The following HSPA12A variants were observed in gnomAD, a reference collection of about 807,000 sequenced individuals.
HSPA12A encodes heat shock 70 kDa protein 12A.
A neutral mutation model predicts 69.2 loss-of-function variants in HSPA12A; 28 were observed. The ratio of observed to expected loss-of-function variants is 0.40; its 90% CI spans 0.30 to 0.55. The LOEUF is 0.55. Among genes scored for constraint, HSPA12A ranks in the 20% least tolerant of loss-of-function variants. HSPA12A has a pLI of 0.38. For synonymous variants in HSPA12A, 345 were observed against 370.5 expected (o/e 0.93, Z 0.79); for missense variants, 686 against 900.7 (o/e 0.76, Z 3.05).
chr10:116,831,531 C>A (rs1488398067), intron 2 of HSPA12A: 1 of 152,132 alleles, frequency 6.6e-6, no homozygotes, highest in Non-Finnish European at 1.5e-5. Context: ...ACCAAAAAGC[C>A]CTTAACAATG....
In HSPA12A at chr10:116,726,027, G is replaced by GCGCACACACACACACA. The variant is rs140160132; in HGVS notation, c.40+16402_40+16403insTGTGTGTGTGTGTGCG. ...ACAAGGTTTAGACACACACACACAC[G>GCGCACACACACACACA]CACACACACACACACACACACACAC... On this transcript the variant is annotated intron_variant, in intron 1 of 11. Transcript: ENST00000369209. Among the ~76,000 whole-genome samples, 99 of 146,222 alleles carry GCGCACACACACACACA rather than the reference G, an allele frequency of 6.8e-4. 1 individual carries two copies. The highest frequency in any genetic ancestry group is 2.5e-3 in the African/African-American group (97 of 39,084).
upstream of HSPA12A, among the ~76,000 whole-genome samples, chr10:116,742,998 C>A (rs1851565296): frequency 6.6e-6 from 1 of 152,164 alleles, no homozygotes; most frequent in Non-Finnish European, 1.5e-5. Flanking sequence ...CAGCTTCTGT[C>A]TGTCCCCCAG....
chr10:116,682,867 ATTTTTTT>A (rs60393392), intron 7 of HSPA12A, among the ~76,000 whole-genome samples: 1 of 117,688 alleles, frequency 8.5e-6, no homozygotes. Context: ...CGCCCGGCTA[ATTTTTTT>A]TTTTTTTTTT....
At chr10:116,799,587 A>G (rs917846674) in intron 2 of HSPA12A, among the ~76,000 whole-genome samples, 3 of 152,210 alleles carry the variant, frequency 2.0e-5, no homozygotes, top group African/African-American at 7.2e-5. Flanking sequence ...AGGGAACTAC[A>G]AGCTCCTAAT....
intron 2 of HSPA12A, among the ~76,000 whole-genome samples, chr10:116,806,033 G>A (rs1053559650): frequency 6.6e-6 from 1 of 152,184 alleles, no homozygotes; most frequent in Non-Finnish European, 1.5e-5. Flanking sequence ...CTCTGTGATG[G>A]ACTGAAGGCA....
chr10:116,674,509 C>G lies in HSPA12A; in HGVS notation c.*272G>C. 2.1e-6 allele frequency: 1 copy of G among 483,616 alleles called. No individual in the cohort carries two copies. The highest frequency in any genetic ancestry group is 2.7e-5 in the South Asian group (1 of 37,124). The allele number at this position is 483,616 out of a possible 1,614,324, so 30.0% of individuals were successfully genotyped here. ...AATGTACTGATTCCCTTCTCCGTGG[C>G]CATTTCACCACTTTTGTACCTATGA... On this transcript the variant is annotated 3_prime_UTR_variant, in exon 12 of 12. Coordinates refer to ENST00000369209, the MANE Select transcript of HSPA12A (RefSeq NM_025015.3).
intron 2 of HSPA12A, among the ~76,000 whole-genome samples, chr10:116,803,912 C>T (rs754605351): frequency 6.6e-5 from 10 of 152,150 alleles, no homozygotes; most frequent in Non-Finnish European, 1.5e-4. Flanking sequence ...CTTACCACCA[C>T]CCCCTTTTGA....
chr10:116,790,086 A>G (rs892904366), intron 2 of HSPA12A, among the ~76,000 whole-genome samples: 1 of 143,054 alleles, frequency 7.0e-6, no homozygotes, highest in East Asian at 2.1e-4. Flanking sequence ...GACCCTGATA[A>G]TCTTTCTTTT....
chr10:116,741,286 G>A (rs1851497505), intron 1 of HSPA12A, among the ~76,000 whole-genome samples: 2 of 152,272 alleles, frequency 1.3e-5, no homozygotes, highest in African/African-American at 4.8e-5. Context: ...AGGCCCGACA[G>A]CAAGACAGGG....
At chr10:116,739,913 G>T (rs2133064395) in intron 1 of HSPA12A, among the ~76,000 whole-genome samples, 1 of 151,896 alleles carries the variant, frequency 6.6e-6, no homozygotes, top group Non-Finnish European at 1.5e-5. Context: ...TGTTGGAGAA[G>T]ATTTCATGGC....
intron 2 of HSPA12A, 38 bp downstream of exon 2, chr10:116,707,162 C>T (rs1445969728): frequency 8.8e-6 from 12 of 1,364,326 alleles, no homozygotes; most frequent in African/African-American, 8.6e-5. Context: ...CGCACACACA[C>T]ACACACACAC....
At chr10:116,695,472 AG>A (rs1849860062) in intron 5 of HSPA12A, among the ~76,000 whole-genome samples, 2 of 152,024 alleles carry the variant, frequency 1.3e-5, no homozygotes, top group African/African-American at 4.8e-5. Context: ...TCATGAGGTC[AG>A]GAGTTCGAGA....
At chr10:116,711,996 C>G (rs1256999193) in intron 1 of HSPA12A, among the ~76,000 whole-genome samples, 1 of 152,030 alleles carries the variant, frequency 6.6e-6, no homozygotes, top group South Asian at 2.1e-4. Flanking sequence ...CAACACTGAC[C>G]CTTTCAAGAA....
intron 1 of HSPA12A, among the ~76,000 whole-genome samples, chr10:116,846,762 G>C (rs983326194): frequency 1.3e-5 from 2 of 152,076 alleles, no homozygotes; most frequent in African/African-American, 4.8e-5. Flanking sequence ...CATCACCTTG[G>C]GACAACACAA....
At chr10:116,818,772 T>G (rs932898386) in intron 2 of HSPA12A, among the ~76,000 whole-genome samples, 6 of 152,186 alleles carry the variant, frequency 3.9e-5, no homozygotes, top group Non-Finnish European at 8.8e-5. Context: ...ATGTGATCCC[T>G]AAATCATGGT....
intron 2 of HSPA12A, among the ~76,000 whole-genome samples, chr10:116,812,323 C>G (rs1288964020): frequency 6.6e-6 from 1 of 151,834 alleles, no homozygotes; most frequent in Non-Finnish European, 1.5e-5. Flanking sequence ...TATGGTGGTG[C>G]GTGCCTGTAA....
chr10:116,708,315 T>C (rs537632692), intron 1 of HSPA12A: 62 of 152,206 alleles, frequency 4.1e-4, no homozygotes, highest in African/African-American at 1.4e-3. Context: ...AGTACATACG[T>C]ACTGAAACCT....
intron 1 of HSPA12A, among the ~76,000 whole-genome samples, chr10:116,708,517 G>C (rs79305029): frequency 6.6e-6 from 1 of 152,108 alleles, no homozygotes; most frequent in Non-Finnish European, 1.5e-5. Flanking sequence ...TGAGGACTCA[G>C]GCAGCATCAT....
chr10:116,690,745 A>C (rs1849711243), intron 6 of HSPA12A, among the ~76,000 whole-genome samples: 1 of 151,444 alleles, frequency 6.6e-6, no homozygotes, highest in Non-Finnish European at 1.5e-5. Context: ...CACCTCCTAG[A>C]AGAGCCAGCC....
Sources: allele counts gnomAD v4.1 joint callset (sites outside exome capture counted in the v4.1 genomes callset), GRCh38; gene constraint gnomAD v4.1.1; transcripts MANE v1.5; gene names NCBI Gene and HGNC (gene_info 2026-07-23, HGNC 2026-07-21).